The following PLB1 variants were observed in gnomAD, a reference collection of about 807,000 sequenced individuals.
PLB1 encodes the protein phospholipase B1, also known as phospholipase B1, membrane-associated.
A neutral mutation model predicts 227.4 loss-of-function variants in PLB1; 242 were observed. The observed-to-expected ratio is 1.06, with a 90% CI of 0.96 to 1.18. The LOEUF is 1.18. Among genes scored for constraint, PLB1 ranks in the 50% most tolerant of loss-of-function variants. PLB1 has a pLI of 0.00. For synonymous variants in PLB1, 757 were observed against 682.2 expected, an observed-to-expected ratio of 1.11 and a Z score of -1.71; for missense variants, 1,858 against 1,816.3, an observed-to-expected ratio of 1.02 and a Z score of -0.42.
intron 1 of PLB1, among the ~76,000 whole-genome samples, chr2:28,501,472 A>C (rs1395146063): frequency 6.6e-6 from 1 of 152,108 alleles, no homozygotes; most frequent in Non-Finnish European, 1.5e-5. Flanking sequence ...CATACAGTTA[A>C]GTGTGTCTGT....
At chr2:28,585,991 C>T (rs1680843041) in intron 26 of PLB1, 149 bp downstream of exon 26, 2 of 669,660 alleles carry the variant, frequency 3.0e-6, no homozygotes, top group Admixed American at 2.5e-5. Flanking sequence ...CCCTGAGACA[C>T]AGCAGGGGCT....
rs2148158897 is a variant in PLB1 at position 28,504,458 on chromosome 2, A to T, written c.55+8289A>T. On this transcript the variant is annotated intron_variant, in intron 1 of 57. Coordinates refer to ENST00000327757, the MANE Select transcript of PLB1 (RefSeq NM_153021.5). ...TTATTTTAAAAAACATAGTCATTGTAAGGGCCAGGCGCAGTGGCTCACGTC... is the reference window on the plus strand; with the variant it reads ...TTATTTTAAAAAACATAGTCATTGTTAGGGCCAGGCGCAGTGGCTCACGTC... 2.6e-5 allele frequency among the ~76,000 whole-genome samples: 4 copies of T among 152,300 alleles called. 1 individual carries two copies. The highest frequency in any genetic ancestry group is 2.6e-4 in the Admixed American group (4 of 15,286).
intron 17 of PLB1, among the ~76,000 whole-genome samples, chr2:28,554,326 GA>G (rs1558745409): frequency 6.6e-6 from 1 of 151,640 alleles, no homozygotes; most frequent in Non-Finnish European, 1.5e-5. Context: ...TATAGAGAGA[GA>G]GAGAGAAATT....
intron 56 of PLB1, 85 bp downstream of exon 56, chr2:28,633,124 A>C: frequency 8.5e-7 from 1 of 1,171,246 alleles, no homozygotes; most frequent in Non-Finnish European, 1.3e-6. Flanking sequence ...AAACTACTGG[A>C]GACATGGCTC....
intron 39 of PLB1, 123 bp from the exon 40 acceptor site, chr2:28,603,843 T>G (rs1170372025): frequency 2.4e-6 from 2 of 849,932 alleles, no homozygotes; most frequent in Non-Finnish European, 3.8e-6. Context: ...CCTCAAGGCT[T>G]GAGTGCTCCT....
At chr2:28,625,214 G>A in intron 50 of PLB1, 106 bp downstream of exon 50, 1 of 1,094,228 alleles carries the variant, frequency 9.1e-7, no homozygotes, top group Non-Finnish European at 1.3e-6. Context: ...TCCTGCTTTG[G>A]GCTAGCCAAA....
At chr2:28,583,347 C>A (rs1219665711) in intron 25 of PLB1, among the ~76,000 whole-genome samples, 1 of 152,046 alleles carries the variant, frequency 6.6e-6, no homozygotes, top group Admixed American at 6.6e-5. Context: ...CCATGCCCAG[C>A]TAATTTTTGT....
chr2:28,534,771 T>C (rs1671458989), intron 9 of PLB1, among the ~76,000 whole-genome samples: 1 of 152,016 alleles, frequency 6.6e-6, no homozygotes, highest in Non-Finnish European at 1.5e-5. Context: ...GGAGAATCAC[T>C]TGAACCCAGG....
chr2:28,591,140 C>A lies in PLB1; in HGVS notation c.2096C>A (p.Pro699Gln). 6.2e-7 allele frequency: 1 copy of A among 1,614,170 alleles called. No individual in the cohort carries two copies. Among genetic ancestry groups the A allele is most frequent in the Non-Finnish European group, 8.5e-7 (1 of 1,180,028 alleles). The change falls in exon 30 of 58, where the codon CCG becomes CAG. Residue 699 changes from proline (P) to glutamine (Q), a missense_variant. Coordinates refer to ENST00000327757, the MANE Select transcript of PLB1 (RefSeq NM_153021.5). ...INITCPNQVQPFLRTYKNSMQ... is the reference protein window; with the variant it reads ...INITCPNQVQQFLRTYKNSMQ... ...ACCCCCCTCTCCTCACAGGTCCAGC[C>A]GTTTCTGAGGACCTACAAGAACAGC...
chr2:28,592,804 C>G (rs761267146), intron 32 of PLB1, 85 bp downstream of exon 32: 2 of 1,288,552 alleles, frequency 1.6e-6, no homozygotes, highest in African/African-American at 3.0e-5. Flanking sequence ...GTCTGCATGC[C>G]TGTCCTCTGC....
At position 28,552,170 on chromosome 2, in the gene PLB1, T is replaced by C. The variant is rs551383701; in HGVS notation, c.1084-758T>C. On this transcript the variant is annotated intron_variant, in intron 16 of 57. Coordinates refer to ENST00000327757, the MANE Select transcript of PLB1 (RefSeq NM_153021.5). ...TCTGGGAACACAGAGGAAGAGAAACTAACCTAGACAGGAGAAAGTTGAAGA... is the reference window on the plus strand; with the variant it reads ...TCTGGGAACACAGAGGAAGAGAAACCAACCTAGACAGGAGAAAGTTGAAGA... Among the ~76,000 whole-genome samples the C allele has an allele frequency of 5.9e-5, 9 of 152,286 alleles. No homozygotes were observed. In the East Asian group the frequency reaches 1.7e-3, roughly 29 times the overall value.
intron 21 of PLB1, among the ~76,000 whole-genome samples, chr2:28,576,511 C>A (rs558096979): frequency 2.6e-5 from 4 of 152,268 alleles, no homozygotes; most frequent in African/African-American, 7.2e-5. Flanking sequence ...GGGTGGATTA[C>A]TTGAGGTCAG....
intron 44 of PLB1, 37 bp downstream of exon 44, chr2:28,614,133 A>C (rs1277305843): frequency 6.4e-7 from 1 of 1,559,488 alleles, no homozygotes; most frequent in Non-Finnish European, 8.8e-7. Flanking sequence ...CTCAGACACA[A>C]ACCATTTCCA....
chr2:28,585,754 T>G lies in PLB1; in HGVS notation c.1734-7T>G. The G allele has an allele frequency of 1.3e-6, 2 of 1,595,736 alleles. No individual in the cohort carries two copies. The highest frequency in any genetic ancestry group is 1.7e-6 in the Non-Finnish European group (2 of 1,163,226). Reference sequence around the variant, plus strand: ...GGATGAGGGTTTCTCTTTGGTTTGGTCTACAGGTCTCTGTGTCCCTGTGTC... The same window carrying G: ...GGATGAGGGTTTCTCTTTGGTTTGGGCTACAGGTCTCTGTGTCCCTGTGTC... On this transcript the variant is annotated splice_region_variant and splice_polypyrimidine_tract_variant and intron_variant, in intron 25 of 57. Coordinates refer to ENST00000327757, the MANE Select transcript of PLB1 (RefSeq NM_153021.5).
At chr2:28,589,966 C>T in intron 28 of PLB1, 39 bp from the exon 29 acceptor site, 4 of 1,579,476 alleles carry the variant, frequency 2.5e-6, no homozygotes, top group Non-Finnish European at 3.5e-6. Flanking sequence ...ATTCTGGCCG[C>T]CTCTTCCTCA....
chr2:28,615,476 A>G (rs771930232), intron 44 of PLB1, among the ~76,000 whole-genome samples: 1 of 152,206 alleles, frequency 6.6e-6, no homozygotes, highest in Non-Finnish European at 1.5e-5. Flanking sequence ...AAGCCAGCTG[A>G]AGAAACTAAC....
At chr2:28,548,142 T>G (rs542817631) in intron 14 of PLB1, among the ~76,000 whole-genome samples, 1 of 152,012 alleles carries the variant, frequency 6.6e-6, no homozygotes, top group Non-Finnish European at 1.5e-5. Flanking sequence ...GTGAAAGACA[T>G]GAGACTTGAC....
intron 1 of PLB1, among the ~76,000 whole-genome samples, chr2:28,511,179 T>G (rs1382955892): frequency 6.6e-6 from 1 of 152,212 alleles, no homozygotes; most frequent in African/African-American, 2.4e-5. Context: ...GCAATTTGTT[T>G]CATGTCTTTT....
rs1553409268 is a variant in PLB1 at position 28,531,301 on chromosome 2, T to TTTTTTG, written c.469-803_469-802insTGTTTT. Among the ~76,000 whole-genome samples the TTTTTTG allele has an allele frequency of 7.8e-3, 1,181 of 152,196 alleles. 8 individuals carry two copies. The highest frequency in any genetic ancestry group is 0.027 in the African/African-American group (1,106 of 41,528). Reference sequence around the variant, plus strand: ...ACTGGATAAAGATGTTGTTTTTTGTTTTTTGTTTTGTTTTGTTTTGTTTTT... The same window carrying TTTTTTG: ...ACTGGATAAAGATGTTGTTTTTTGTTTTTTTGTTTTGTTTTGTTTTGTTTTGTTTTT... On this transcript the variant is annotated intron_variant, in intron 8 of 57. Coordinates refer to ENST00000327757, the MANE Select transcript of PLB1 (RefSeq NM_153021.5).
Sources: allele counts gnomAD v4.1 joint callset (sites outside exome capture counted in the v4.1 genomes callset), GRCh38; gene constraint gnomAD v4.1.1; transcripts MANE v1.5; gene names NCBI Gene and HGNC (gene_info 2026-07-23, HGNC 2026-07-21).